Variants in SVOPL observed in about 807,000 individuals in gnomAD.
The protein encoded by SVOPL is SVOP like.
Under a neutral mutation model 61.0 loss-of-function variants are expected in SVOPL, and 60 were observed. The observed-to-expected ratio is 0.98, with a 90% CI of 0.80 to 1.22. SVOPL has a LOEUF of 1.22. SVOPL is among the 50% of genes most tolerant of loss of function. The probability of loss-of-function intolerance (pLI) is 0.00; values close to 1 mark genes in which losing one functional copy is unlikely to be tolerated. For synonymous variants in SVOPL, 279 were observed against 250.0 expected (o/e 1.12, Z -1.09); for missense variants, 662 against 643.9 (o/e 1.03, Z -0.30).
chr7:138,641,801 A>C (rs1800796348), intron 9 of SVOPL, among the ~76,000 whole-genome samples: 1 of 109,716 alleles, frequency 9.1e-6, no homozygotes, highest in Non-Finnish European at 1.8e-5. Context: ...TAGACGTATC[A>C]AATATATATA....
chr7:138,626,159 C>A, intron 12 of SVOPL, 109 bp from the exon 13 acceptor site: 3 of 1,092,656 alleles, frequency 2.7e-6, no homozygotes, highest in South Asian at 2.8e-5. Flanking sequence ...ACAGATAACT[C>A]AGAACCCGAG....
intron 2 of SVOPL, 52 bp downstream of exon 2, chr7:138,678,912 A>G: frequency 6.6e-7 from 1 of 1,518,254 alleles, no homozygotes; most frequent in Non-Finnish European, 8.9e-7. Context: ...CTTAAAAAGG[A>G]TTCTTAACTC....
chr7:138,679,786 T>C (rs1802660070), intron 1 of SVOPL, among the ~76,000 whole-genome samples: 1 of 152,228 alleles, frequency 6.6e-6, no homozygotes, highest in Non-Finnish European at 1.5e-5. Flanking sequence ...TTACTATTAT[T>C]ACTCTGTATG....
At chr7:138,614,214 A>G (rs1799180918) in intron 14 of SVOPL, among the ~76,000 whole-genome samples, 1 of 152,154 alleles carries the variant, frequency 6.6e-6, no homozygotes, top group Admixed American at 6.5e-5. Context: ...ATGGTCACCA[A>G]AATAGGACCC....
intron 1 of SVOPL, among the ~76,000 whole-genome samples, chr7:138,687,304 C>T (rs921719594): frequency 8.4e-5 from 11 of 130,586 alleles, no homozygotes; most frequent in East Asian, 4.7e-4. Flanking sequence ...GGCGTGATCT[C>T]GGCTCACCAC....
intron 4 of SVOPL, among the ~76,000 whole-genome samples, chr7:138,668,480 G>A (rs1165361066): frequency 6.6e-6 from 1 of 152,116 alleles, no homozygotes; most frequent in East Asian, 1.9e-4. Context: ...AGATGACTGA[G>A]ATTTTTGCCT....
chr7:138,594,318 G>T lies in SVOPL; in HGVS notation c.*292C>A. The T allele has an allele frequency of 4.2e-6, 1 of 237,430 alleles. No homozygotes were observed. Among genetic ancestry groups the T allele is most frequent in the Non-Finnish European group, 8.1e-6 (1 of 123,606 alleles). The allele number at this position is 237,430 out of a possible 1,614,324, so 14.7% of individuals were successfully genotyped here. The stretch of plus-strand genomic sequence containing the variant: ...AAATTTAGTATTTATTCATATAAAG[G>T]TTTACAGACTTGATTTCAATGAAGA... On this transcript the variant is annotated 3_prime_UTR_variant, in exon 16 of 16. Coordinates refer to ENST00000674285, the MANE Select transcript of SVOPL (RefSeq NM_001139456.2).
intron 14 of SVOPL, among the ~76,000 whole-genome samples, chr7:138,602,441 CTATATATA>C (rs59400217): frequency 1.4e-3 from 203 of 140,744 alleles, no homozygotes; most frequent in Non-Finnish European, 1.8e-3. Flanking sequence ...AAGGCAGTTG[CTATATATA>C]TATATATATA....
intron 1 of SVOPL, among the ~76,000 whole-genome samples, chr7:138,695,764 T>C (rs1429759941): frequency 6.6e-6 from 1 of 152,118 alleles, no homozygotes; most frequent in African/African-American, 2.4e-5. Context: ...TTTTATGCAT[T>C]GTTTGAATTT....
At chr7:138,676,677 C>T (rs978660326) in intron 3 of SVOPL, among the ~76,000 whole-genome samples, 7 of 152,200 alleles carry the variant, frequency 4.6e-5, no homozygotes, top group African/African-American at 1.7e-4. Context: ...GCAGGTGTCT[C>T]TGGTGATTCT....
intron 4 of SVOPL, among the ~76,000 whole-genome samples, chr7:138,668,672 C>T (rs1469224174): frequency 6.6e-6 from 1 of 152,184 alleles, no homozygotes; most frequent in East Asian, 1.9e-4. Context: ...GGAATTTTCC[C>T]TGGTGCCACC....
chr7:138,685,626 G>T (rs573233507), intron 1 of SVOPL, among the ~76,000 whole-genome samples: 1 of 152,276 alleles, frequency 6.6e-6, no homozygotes, highest in African/African-American at 2.4e-5. Context: ...ATAGCTGGGT[G>T]TGGTGGCTCA....
chr7:138,623,286 T>C (rs1825294911), intron 13 of SVOPL, among the ~76,000 whole-genome samples: 1 of 152,132 alleles, frequency 6.6e-6, no homozygotes, highest in Non-Finnish European at 1.5e-5. Context: ...GTTACACACC[T>C]CTTTTAAAAA....
intron 14 of SVOPL, among the ~76,000 whole-genome samples, chr7:138,619,561 TAAAAAAAAAAAAA>T (rs11440977): frequency 5.0e-5 from 3 of 60,302 alleles, no homozygotes; most frequent in Admixed American, 2.2e-4. Context: ...TCTCAGATGT[TAAAAAAAAAAAAA>T]AAAAAAAAAA....
chr7:138,699,739 G>A (rs1803148353), intron 1 of SVOPL, among the ~76,000 whole-genome samples: 1 of 152,166 alleles, frequency 6.6e-6, no homozygotes, highest in Admixed American at 6.5e-5. Flanking sequence ...TGGGGTGAGG[G>A]TGGAAAAAAA....
chr7:138,643,298 G>A (rs1045635297), intron 9 of SVOPL, among the ~76,000 whole-genome samples: 7 of 151,652 alleles, frequency 4.6e-5, no homozygotes, highest in Admixed American at 2.6e-4. Context: ...GGTGGCAGGC[G>A]CCTGTAGTCC....
chr7:138,666,214 G>A (rs1019997113), intron 4 of SVOPL, among the ~76,000 whole-genome samples: 3 of 152,132 alleles, frequency 2.0e-5, no homozygotes, highest in East Asian at 1.9e-4. Context: ...GCCCGGCCAC[G>A]GTTCGCCATG....
Position 138,652,243 on chromosome 7 carries a change from G to C in SVOPL, c.535-3106C>G, listed in dbSNP as rs541756555. 4.0e-4 allele frequency among the ~76,000 whole-genome samples: 61 copies of C among 152,136 alleles called. No homozygotes were observed. The South Asian group carries it at 0.011, about 28-fold the overall frequency. On this transcript the variant is annotated intron_variant, in intron 7 of 15. Coordinates refer to ENST00000674285, the MANE Select transcript of SVOPL (RefSeq NM_001139456.2). ...ATTTTTGTATTTTTAGCAGAGACAG[G>C]GTTTCACCATGTTGGCCAAACTGGT...
At chr7:138,687,444 C>G (rs1488787271) in intron 1 of SVOPL, among the ~76,000 whole-genome samples, 1 of 151,542 alleles carries the variant, frequency 6.6e-6, no homozygotes, top group Non-Finnish European at 1.5e-5. Flanking sequence ...CCATGTTGGC[C>G]AGGCTGGTCT....
Sources: allele counts gnomAD v4.1 joint callset (sites outside exome capture counted in the v4.1 genomes callset), GRCh38; gene constraint gnomAD v4.1.1; transcripts MANE v1.5; gene names NCBI Gene and HGNC (gene_info 2026-07-23, HGNC 2026-07-21).